KASH5: variants seen among roughly 807,000 people sequenced by gnomAD.
KASH5 encodes protein KASH5.
Under a neutral mutation model 84.2 loss-of-function variants are expected in KASH5, and 72 were observed. The ratio of observed to expected loss-of-function variants is 0.85; its 90% CI spans 0.71 to 1.04. The LOEUF is 1.04. Among genes scored for constraint, KASH5 ranks in the 50% least tolerant of loss-of-function variants. The pLI, the probability that KASH5 is intolerant of heterozygous loss-of-function variation, is 0.00. For synonymous variants in KASH5, 260 were observed against 279.1 expected, an observed-to-expected ratio of 0.93 and a Z score of 0.68; for missense variants, 650 against 701.0, an observed-to-expected ratio of 0.93 and a Z score of 0.82.
intron 7 of KASH5, 41 bp downstream of exon 7, chr19:49,398,184 C>A: frequency 6.6e-7 from 1 of 1,515,064 alleles, no homozygotes; most frequent in Non-Finnish European, 8.9e-7. Flanking sequence ...GCGCCCCTGC[C>A]TCCGTCCTCC....
At chr19:49,408,634 G>C (rs192823838) in intron 12 of KASH5, among the ~76,000 whole-genome samples, 43 of 152,096 alleles carry the variant, frequency 2.8e-4, no homozygotes, top group Non-Finnish European at 5.6e-4. Context: ...ATTTTTAGTA[G>C]AGACATGGTT....
chr19:49,409,708 C>T, intron 14 of KASH5, 45 bp from the exon 15 acceptor site: 1 of 1,612,320 alleles, frequency 6.2e-7, no homozygotes, highest in South Asian at 1.1e-5. Flanking sequence ...TTGTTTTCTA[C>T]CTTAATATGG....
intron 9 of KASH5, among the ~76,000 whole-genome samples, chr19:49,406,044 C>T (rs1974515379): frequency 6.8e-6 from 1 of 147,686 alleles, no homozygotes; most frequent in African/African-American, 2.5e-5. Context: ...AAGAGAATCA[C>T]TTGAACCCAG....
rs1375832100 is a variant in KASH5, at chr19:49,412,186, G to T, written c.1270-782G>T. On this transcript the variant is annotated intron_variant, in intron 15 of 19. Coordinates refer to ENST00000447857, the MANE Select transcript of KASH5 (RefSeq NM_144688.5). The surrounding 1 kb of genome is among the most constrained non-coding windows in gnomAD (Gnocchi z 4.6). ...GTGGGGTCAGCTCCGGGCTTAAAAAGATCCCTCTGGAACCATGTGAGGGAC... is the reference window on the plus strand; with the variant it reads ...GTGGGGTCAGCTCCGGGCTTAAAAATATCCCTCTGGAACCATGTGAGGGAC... 1.3e-5 allele frequency among the ~76,000 whole-genome samples: 2 copies of T among 152,144 alleles called. No individual in the cohort carries two copies. The highest frequency in any genetic ancestry group is 2.9e-5 in the Non-Finnish European group (2 of 68,026).
intron 14 of KASH5, 118 bp from the exon 15 acceptor site, chr19:49,409,635 A>G: frequency 7.8e-7 from 1 of 1,281,006 alleles, no homozygotes; most frequent in Non-Finnish European, 1.1e-6. Flanking sequence ...GCCCCACACC[A>G]GCCCTTTTCT....
Position 49,417,320 on chromosome 19 carries a change from C to A in KASH5, c.1548-49C>A. The A allele has an allele frequency of 6.3e-7, 1 of 1,575,866 alleles. No homozygotes were observed. The highest frequency in any genetic ancestry group is 1.2e-5 in the South Asian group (1 of 86,204). On this transcript the variant is annotated intron_variant, in intron 19 of 19. Coordinates refer to ENST00000447857, the MANE Select transcript of KASH5 (RefSeq NM_144688.5). This position sits in a 1 kb window ranked among gnomAD's most constrained non-coding sequence, Gnocchi z 5.2. ...GGAGGTGGTCTGACATTGGGAAGAG[C>A]AGGGGCTGCCCAGACCCTGCCCTAA...
intron 9 of KASH5, among the ~76,000 whole-genome samples, 194 bp from the exon 10 acceptor site, chr19:49,406,692 A>T (rs1314248688): frequency 6.6e-6 from 1 of 152,118 alleles, no homozygotes; most frequent in Admixed American, 6.6e-5. Flanking sequence ...ATTTTTATAG[A>T]TGGGGGAGCC....
chr19:49,408,944 G>T, intron 12 of KASH5, 23 bp from the exon 13 acceptor site: 1 of 1,564,166 alleles, frequency 6.4e-7, no homozygotes, highest in Non-Finnish European at 8.7e-7. Flanking sequence ...AGCCAAATGT[G>T]CTCCCCACTT....
At position 49,416,812 on chromosome 19, in the gene KASH5, CGGCACGGAGA is replaced by C. The variant is rs145562898; in HGVS notation, c.1375-200_1375-191del. On this transcript the variant is annotated intron_variant, in intron 17 of 19. Transcript: ENST00000447857. The surrounding 1 kb of genome is among the most constrained non-coding windows in gnomAD (Gnocchi z 5.4). ...CCCTGGCCAGCAGATGGGGAAAGAG[CGGCACGGAGA>C]GGTGTGGTGACATGCCAAGGACCCT... is the stretch of plus-strand genomic sequence containing the variant. Among the ~76,000 whole-genome samples, 5,600 of 152,150 alleles carry C rather than the reference CGGCACGGAGA, an allele frequency of 0.037. 288 individuals are homozygous for C. Among genetic ancestry groups the C allele is most frequent in the African/African-American group, 0.12 (4,812 of 41,468 alleles).
intron 9 of KASH5, among the ~76,000 whole-genome samples, chr19:49,400,097 T>G: frequency 6.6e-6 from 1 of 151,914 alleles, no homozygotes; most frequent in East Asian, 1.9e-4. Context: ...GGCATGGTAG[T>G]GTGCACCTGT....
rs754173644 is a variant in KASH5, at chr19:49,417,169, C to T, written c.1450C>T (p.Arg484Trp). 1.9e-5 allele frequency: 31 copies of T among 1,613,704 alleles called. No homozygotes were observed. The highest frequency in any genetic ancestry group is 2.3e-5 in the Non-Finnish European group (27 of 1,179,776). ...PENPPERPAR[R>W]ELQQALVPVM... ...CCTTCACCCCAGCAGACCTGCGCGG[C>T]GGGAACTCCAGCAAGCCCTGGTGCC... is the stretch of plus-strand genomic sequence containing the variant. The change falls in exon 19 of 20, where the codon CGG (arginine) becomes TGG (tryptophan). Residue 484 changes from arginine (R) to tryptophan (W), a missense_variant. Transcript: ENST00000447857. The surrounding 1 kb of genome is among the most constrained non-coding windows in gnomAD (Gnocchi z 5.2).
chr19:49,407,684 C>T lies in KASH5; in HGVS notation c.993+13C>T, dbSNP rs776391797. 15 of 1,595,340 alleles carry T rather than the reference C, an allele frequency of 9.4e-6. No individual in the cohort carries two copies. The highest frequency in any genetic ancestry group is 1.7e-4 in the Middle Eastern group (1 of 6,052). On this transcript the variant is annotated intron_variant, in intron 12 of 19. Transcript: ENST00000447857. ...AGTGACGACGCAGGTAACTCAGCGG[C>T]CCTCGCCACCCACCGCGGCCCTCGC...
intron 2 of KASH5, among the ~76,000 whole-genome samples, chr19:49,391,450 G>T (rs1974001734): frequency 6.6e-6 from 1 of 152,112 alleles, no homozygotes; most frequent in Admixed American, 6.5e-5. Flanking sequence ...AAGAAAAAAG[G>T]AACAGGTGAA....
At chr19:49,398,914 GC>G (rs1324460056) in intron 7 of KASH5, 110 bp from the exon 8 acceptor site, 1 of 810,994 alleles carries the variant, frequency 1.2e-6, no homozygotes, top group Non-Finnish European at 2.0e-6. Context: ...CTCTGTCCCT[GC>G]CTACCACCTG....
chr19:49,416,273 A>C lies in KASH5; in HGVS notation c.1375-742A>C, dbSNP rs1280258563. On this transcript the variant is annotated intron_variant, in intron 17 of 19. Transcript: ENST00000447857. This position sits in a 1 kb window ranked among gnomAD's most constrained non-coding sequence, Gnocchi z 5.4. The stretch of plus-strand genomic sequence containing the variant: ...AGTGGTGCGATCTCGGCTCACTGCA[A>C]GCTCCACCTCCCAGGTTCACACCAT... Among the ~76,000 whole-genome samples the C allele has an allele frequency of 6.6e-6, 1 of 152,044 alleles. No individual in the cohort carries two copies. The highest frequency in any genetic ancestry group is 2.4e-5 in the African/African-American group (1 of 41,380).
intron 1 of KASH5, chr19:49,388,625 G>C (rs1270749808): frequency 6.6e-6 from 1 of 151,734 alleles, no homozygotes; most frequent in African/African-American, 2.4e-5. Flanking sequence ...CTGGAAGGCA[G>C]AGGTTGCAGT....
intron 7 of KASH5, among the ~76,000 whole-genome samples, chr19:49,398,413 G>T (rs1351975091): frequency 2.0e-5 from 3 of 149,138 alleles, no homozygotes; most frequent in Non-Finnish European, 3.0e-5. Flanking sequence ...CTGTCACCCA[G>T]GCTGGAGTGC....
chr19:49,401,620 C>T (rs1030075621), intron 9 of KASH5, among the ~76,000 whole-genome samples: 2 of 152,186 alleles, frequency 1.3e-5, no homozygotes, highest in Non-Finnish European at 1.5e-5. Flanking sequence ...TCCATCCATA[C>T]CCTCCACCCC....
At chr19:49,404,092 A>G (rs1974450586) in intron 9 of KASH5, among the ~76,000 whole-genome samples, 1 of 152,136 alleles carries the variant, frequency 6.6e-6, no homozygotes, top group African/African-American at 2.4e-5. Context: ...TACCAGGTGG[A>G]CAGATGTTGA....
Sources: gnomAD v4.1 joint callset for allele counts (sites outside exome capture counted in the v4.1 genomes callset) on GRCh38, gnomAD v4.1.1 for gene constraint, Gnocchi (gnomAD v3.1) non-coding constraint, MANE v1.5 for transcripts, NCBI Gene and HGNC (gene_info 2026-07-23, HGNC 2026-07-21) for gene names.